The following UROC1 variants were observed in gnomAD, a reference collection of about 807,000 sequenced individuals.
The protein encoded by UROC1 is urocanate hydratase.
Under a neutral mutation model 89.5 loss-of-function variants are expected in UROC1, and 79 were observed. The observed-to-expected ratio is 0.88, with a 90% CI of 0.74 to 1.06. UROC1 has a LOEUF of 1.06. Ranked by LOEUF, UROC1 falls within the 50% of genes least tolerant of loss-of-function variation. The pLI, the probability that UROC1 is intolerant of heterozygous loss-of-function variation, is 0.00. For synonymous variants in UROC1, 361 were observed against 354.8 expected (o/e 1.02, Z -0.20); for missense variants, 885 against 907.8 (o/e 0.97, Z 0.32).
intron 9 of UROC1, among the ~76,000 whole-genome samples, chr3:126,502,717 G>T (rs1008468246): frequency 6.7e-6 from 1 of 149,698 alleles, no homozygotes; most frequent in African/African-American, 2.5e-5. Context: ...TGTATGTGTT[G>T]TGTGTTATGT....
At chr3:126,516,743 G>A (rs1405429508) in intron 1 of UROC1, among the ~76,000 whole-genome samples, 1 of 102,378 alleles carries the variant, frequency 9.8e-6, no homozygotes, top group Non-Finnish European at 1.9e-5. Context: ...CGCCAGCTCT[G>A]CCCTGAGTGA....
chr3:126,490,297 G>A (rs569004729), intron 16 of UROC1, among the ~76,000 whole-genome samples: 3 of 152,322 alleles, frequency 2.0e-5, no homozygotes, highest in South Asian at 2.1e-4. Context: ...TTGCCCCCAC[G>A]AGATGGATGT....
chr3:126,492,665 T>TATTTGAGA (rs1243723304), intron 15 of UROC1, 149 bp from the exon 16 acceptor site: 22 of 708,480 alleles, frequency 3.1e-5, no homozygotes, highest in Non-Finnish European at 5.6e-5. Context: ...ACCCCCAGGG[T>TATTTGAGA]GCATGGTAGC....
chr3:126,487,497 G>C (rs185829521), intron 18 of UROC1, among the ~76,000 whole-genome samples: 209 of 152,328 alleles, frequency 1.4e-3, no homozygotes, highest in African/African-American at 4.8e-3. Context: ...ATGCTCCACC[G>C]GGACTTGGCT....
Position 126,500,015 on chromosome 3 carries a change from G to A in UROC1, c.1243+42C>T, listed in dbSNP as rs373882753. On this transcript the variant is annotated intron_variant, in intron 12 of 19. Coordinates refer to ENST00000290868, the MANE Select transcript of UROC1 (RefSeq NM_144639.3). ...CACTGGCCTGAGAGGCTGGGCCCAG[G>A]GTGGTGGCCCCTCCCTCCTCCTCCC... The A allele has an allele frequency of 3.2e-6, 5 of 1,577,654 alleles. No homozygotes were observed. The African/African-American group carries it at 6.7e-5, about 21-fold the overall frequency.
chr3:126,488,071 G>T, intron 18 of UROC1, 127 bp downstream of exon 18: 1 of 1,016,806 alleles, frequency 9.8e-7, no homozygotes, highest in Non-Finnish European at 1.6e-6. Context: ...TTCCACAAAG[G>T]TGAGGGCAGG....
At chr3:126,495,786 T>C (rs1017338389) in intron 15 of UROC1, among the ~76,000 whole-genome samples, 2 of 152,240 alleles carry the variant, frequency 1.3e-5, no homozygotes, top group Admixed American at 6.5e-5. Flanking sequence ...AAATTCTCCG[T>C]GTCCTCTCCC....
At chr3:126,484,031 A>G (rs888435327) in intron 18 of UROC1, among the ~76,000 whole-genome samples, 14 of 151,998 alleles carry the variant, frequency 9.2e-5, no homozygotes, top group African/African-American at 2.9e-4. Context: ...TTTTATCCTT[A>G]TGATCTTTAT....
intron 19 of UROC1, 113 bp from the exon 20 acceptor site, chr3:126,482,598 G>C (rs1173997931): frequency 6.0e-6 from 9 of 1,500,322 alleles, no homozygotes; most frequent in African/African-American, 4.1e-5. Context: ...GCTGTCCGTG[G>C]GGACAGCTGC....
chr3:126,509,779 A>T, intron 2 of UROC1, 101 bp from the exon 3 acceptor site: 1 of 1,091,748 alleles, frequency 9.2e-7, no homozygotes, highest in Non-Finnish European at 1.4e-6. Flanking sequence ...GGATAGCCGG[A>T]CACGGGGCCT....
rs1043250670 is a variant in UROC1 at position 126,482,054 on chromosome 3, C to T, written c.*291G>A. On this transcript the variant is annotated 3_prime_UTR_variant, in exon 20 of 20. Coordinates refer to ENST00000290868, the MANE Select transcript of UROC1 (RefSeq NM_144639.3). Reference sequence around the variant, plus strand: ...CGGAGAGAGCTTGACCAGTGTTCACCGCAGGGCCCCCGGGCAGGCTTGGGA... The same window carrying T: ...CGGAGAGAGCTTGACCAGTGTTCACTGCAGGGCCCCCGGGCAGGCTTGGGA... 3.2e-5 allele frequency: 15 copies of T among 473,758 alleles called. No homozygotes were observed. Among genetic ancestry groups the T allele is most frequent in the East Asian group, 8.1e-5 (2 of 24,706 alleles). 29.3% of individuals were successfully genotyped at this position (473,758 alleles called of 1,614,324 possible).
chr3:126,506,870 C>T (rs1056870167), intron 6 of UROC1, among the ~76,000 whole-genome samples: 3 of 152,108 alleles, frequency 2.0e-5, no homozygotes, highest in East Asian at 1.9e-4. Context: ...CTGAGGTCAG[C>T]GGTTCGAGAC....
At chr3:126,509,732 T>C (rs1367559701) in intron 2 of UROC1, 54 bp from the exon 3 acceptor site, 1 of 1,499,686 alleles carries the variant, frequency 6.7e-7, no homozygotes, top group Non-Finnish European at 9.1e-7. Flanking sequence ...GCACAGCATC[T>C]AGCCTGGCCC....
chr3:126,510,035 G>T (rs1411179164), intron 2 of UROC1, among the ~76,000 whole-genome samples: 1 of 152,212 alleles, frequency 6.6e-6, no homozygotes, highest in Non-Finnish European at 1.5e-5. Flanking sequence ...TCCAGCAGGT[G>T]CCAGGCCCGG....
intron 2 of UROC1, 98 bp from the exon 3 acceptor site, chr3:126,509,776 C>T (rs1936156037): frequency 8.9e-6 from 10 of 1,123,602 alleles, no homozygotes; most frequent in South Asian, 2.7e-5. Context: ...CAAGGATAGC[C>T]GGACACGGGG....
Position 126,501,112 on chromosome 3 carries a change from G to T in UROC1, c.965+106C>A, listed in dbSNP as rs1935909552. Reference sequence around the variant, plus strand: ...CCAACAAGGGTGGCGCTGAACTGGGGCTCAAAGCTTTGTGTCCTGGCAGCT... The same window carrying T: ...CCAACAAGGGTGGCGCTGAACTGGGTCTCAAAGCTTTGTGTCCTGGCAGCT... On this transcript the variant is annotated intron_variant, in intron 10 of 19. Coordinates refer to ENST00000290868, the MANE Select transcript of UROC1 (RefSeq NM_144639.3). The T allele has an allele frequency of 3.0e-6, 4 of 1,331,166 alleles. No individual in the cohort carries two copies. The East Asian group carries it at 6.9e-5, about 23-fold the overall frequency. The allele number at this position is 1,331,166 out of a possible 1,614,324, so 82.5% of individuals were successfully genotyped here.
intron 1 of UROC1, among the ~76,000 whole-genome samples, chr3:126,511,055 T>C (rs1004815925): frequency 1.3e-5 from 2 of 152,012 alleles, no homozygotes; most frequent in Non-Finnish European, 2.9e-5. Flanking sequence ...AACCATCTCC[T>C]GTTCTGGGGA....
intron 15 of UROC1, among the ~76,000 whole-genome samples, chr3:126,495,817 C>T (rs964352500): frequency 1.1e-4 from 16 of 152,222 alleles, no homozygotes; most frequent in Non-Finnish European, 2.9e-5. Context: ...TTAAAGGTCC[C>T]CGGCTTCTTT....
intron 9 of UROC1, among the ~76,000 whole-genome samples, chr3:126,502,688 CTGTT>C (rs1217711054): frequency 1.4e-5 from 2 of 146,412 alleles, no homozygotes; most frequent in Admixed American, 6.8e-5. Flanking sequence ...TGTTGTGTGT[CTGTT>C]TATGTGTGTG....
Sources: gnomAD v4.1 joint callset for allele counts (sites outside exome capture counted in the v4.1 genomes callset) on GRCh38, gnomAD v4.1.1 for gene constraint, MANE v1.5 for transcripts, NCBI Gene and HGNC (gene_info 2026-07-23, HGNC 2026-07-21) for gene names.